Variants in FAM149A observed in about 807,000 individuals in gnomAD.
The protein encoded by FAM149A is family with sequence similarity 149 member A, also known as protein FAM149A.
FAM149A carries 71 observed loss-of-function variants against 78.2 expected under a neutral mutation model. The ratio of observed to expected loss-of-function variants is 0.91; its 90% CI spans 0.75 to 1.11. FAM149A has a LOEUF of 1.11. Among genes scored for constraint, FAM149A ranks in the 50% least tolerant of loss-of-function variants. The pLI, the probability that FAM149A is intolerant of heterozygous loss-of-function variation, is 0.00. For missense variants in FAM149A, 1,036 were observed against 971.0 expected, an observed-to-expected ratio of 1.07 and a Z score of -0.89; for synonymous variants, 446 against 410.5, an observed-to-expected ratio of 1.09 and a Z score of -1.04.
rs1461107709 is a variant in FAM149A at position 186,149,671 on chromosome 4, G to A, written c.756G>A (p.Thr252=). 24 of 1,289,196 alleles carry A rather than the reference G, an allele frequency of 1.9e-5. No individual in the cohort carries two copies. The highest frequency in any genetic ancestry group is 4.9e-5 in the South Asian group (4 of 80,836). The allele number at this position is 1,289,196 out of a possible 1,614,324, so 79.9% of individuals were successfully genotyped here. ...AGAGCTCTACCACCGGCTCATCCAC[G>A]GAGAGGGGCTCCGTTTATTCCTGGA... Residue 252 remains threonine, a synonymous_variant, in exon 3 of 14, where the codon ACG becomes ACA. Coordinates refer to ENST00000389354, the MANE Select transcript of FAM149A (RefSeq NM_001367768.3).
rs1162717616 is a variant in FAM149A, at chr4:186,104,762, G to GGCGGGCT, written c.-309_-308insTGCGGGC. Among the ~76,000 whole-genome samples, 3 of 149,916 alleles carry GGCGGGCT rather than the reference G, an allele frequency of 2.0e-5. No homozygotes were observed. Among genetic ancestry groups the GGCGGGCT allele is most frequent in the African/African-American group, 7.3e-5 (3 of 40,830 alleles). On this transcript the variant is annotated 5_prime_UTR_variant, in exon 1 of 14. Transcript: ENST00000389354. Reference sequence around the variant, plus strand: ...CAACCGCGGGCGGCGGGCGGCGGGCGGCGGGCGTCTGGGGCGGGCGGCGGC... The same window carrying GGCGGGCT: ...CAACCGCGGGCGGCGGGCGGCGGGCGGCGGGCTGCGGGCGTCTGGGGCGGGCGGCGGC...
At chr4:186,110,194 T>C (rs2099310615) in intron 1 of FAM149A, 1 of 985,406 alleles carries the variant, frequency 1.0e-6, no homozygotes, top group East Asian at 1.1e-4. Flanking sequence ...CCTCATATAA[T>C]CCACTGTCAT....
intron 1 of FAM149A, chr4:186,145,202 G>T: frequency 2.1e-6 from 2 of 961,422 alleles, no homozygotes; most frequent in Non-Finnish European, 2.5e-6. Context: ...GCTGCGTCTG[G>T]CCCGGGCTTC....
chr4:186,165,642 G>A (rs1382975398), intron 11 of FAM149A, among the ~76,000 whole-genome samples, 178 bp downstream of exon 11: 1 of 152,232 alleles, frequency 6.6e-6, no homozygotes, highest in Non-Finnish European at 1.5e-5. Flanking sequence ...AATTTACAGG[G>A]AGTGAGAGGC....
chr4:186,113,521 C>G (rs1447350888), intron 1 of FAM149A, among the ~76,000 whole-genome samples: 2 of 118,830 alleles, frequency 1.7e-5, no homozygotes, highest in African/African-American at 6.5e-5. Context: ...GCTTTCTCTT[C>G]TGGGCATTTA....
chr4:186,127,395 T>C (rs1288196410), intron 1 of FAM149A: 1 of 985,276 alleles, frequency 1.0e-6, no homozygotes, highest in Non-Finnish European at 1.2e-6. Context: ...AGGGGATGCT[T>C]TTGACAAAAG....
Position 186,144,732 on chromosome 4 carries a change from G to C in FAM149A, c.567-4441G>C. 1 of 847,580 alleles carries C rather than the reference G, an allele frequency of 1.2e-6. No individual in the cohort carries two copies. Among genetic ancestry groups the C allele is most frequent in the Non-Finnish European group, 1.4e-6 (1 of 703,622 alleles). The allele number at this position is 847,580 out of a possible 1,614,324, so 52.5% of individuals were successfully genotyped here. On this transcript the variant is annotated intron_variant, in intron 1 of 13. Coordinates refer to ENST00000389354, the MANE Select transcript of FAM149A (RefSeq NM_001367768.3). The surrounding 1 kb of genome is among the most constrained non-coding windows in gnomAD (Gnocchi z 4.2). ...TTCCCGGAGGTCGGCGCGGGGCCGG[G>C]GCCGGGGCCGGGGCCCGGAGCGGGG...
chr4:186,152,569 G>T lies in FAM149A; in HGVS notation c.932+524G>T, dbSNP rs557412471. 1.1e-4 allele frequency among the ~76,000 whole-genome samples: 13 copies of T among 114,932 alleles called. No individual in the cohort carries two copies. The East Asian group carries it at 2.6e-3, about 23-fold the overall frequency. 75.4% of individuals were successfully genotyped at this position (114,932 alleles called of 152,430 possible). On this transcript the variant is annotated intron_variant, in intron 4 of 13. Coordinates refer to ENST00000389354, the MANE Select transcript of FAM149A (RefSeq NM_001367768.3). The stretch of plus-strand genomic sequence containing the variant: ...TTTTTTTTTTTTTTTTTTTGAGATG[G>T]AGTCTTGCTCTGTCGCCCAGGCTGG...
chr4:186,170,789 A>G (rs114742882), intron 13 of FAM149A: 1 of 152,238 alleles, frequency 6.6e-6, no homozygotes, highest in Non-Finnish European at 1.5e-5. Context: ...GTCACATTTT[A>G]AACACTGAAC....
At chr4:186,109,920 C>A (rs1022632848) in intron 1 of FAM149A, 34 of 985,162 alleles carry the variant, frequency 3.5e-5, no homozygotes, top group African/African-American at 7.0e-5. Context: ...TTAACATTAC[C>A]ACTGAGTGCT....
intron 3 of FAM149A, 33 bp from the exon 4 acceptor site, chr4:186,151,870 C>T: frequency 6.2e-7 from 1 of 1,609,936 alleles, no homozygotes. Flanking sequence ...CTGTAACTTG[C>T]AGTGTTGTAA....
At position 186,144,713 on chromosome 4, in the gene FAM149A, G is replaced by C; in HGVS notation, c.567-4460G>C. Reference sequence around the variant, plus strand: ...GGAGCGGGGAAGGCGCGCTTTCCCGGAGGTCGGCGCGGGGCCGGGGCCGGG... The same window carrying C: ...GGAGCGGGGAAGGCGCGCTTTCCCGCAGGTCGGCGCGGGGCCGGGGCCGGG... On this transcript the variant is annotated intron_variant, in intron 1 of 13. Transcript: ENST00000389354. The surrounding 1 kb of genome is among the most constrained non-coding windows in gnomAD (Gnocchi z 4.2). The C allele has an allele frequency of 1.4e-6, 1 of 720,808 alleles. No homozygotes were observed. Among genetic ancestry groups the C allele is most frequent in the Non-Finnish European group, 1.6e-6 (1 of 606,548 alleles). 44.7% of individuals were successfully genotyped at this position (720,808 alleles called of 1,614,324 possible).
chr4:186,161,439 G>A (rs1734599531), intron 8 of FAM149A, among the ~76,000 whole-genome samples: 1 of 152,160 alleles, frequency 6.6e-6, no homozygotes, highest in Admixed American at 6.5e-5. Flanking sequence ...TAAGTCTTCT[G>A]TGCCTTTTCT....
intron 1 of FAM149A, chr4:186,118,264 G>A: frequency 2.0e-6 from 2 of 982,810 alleles, no homozygotes; most frequent in South Asian, 9.4e-5. Context: ...GAAATGAGGA[G>A]CGTCTCCTTT....
chr4:186,111,324 A>C (rs1337392786), intron 1 of FAM149A, among the ~76,000 whole-genome samples: 1 of 151,678 alleles, frequency 6.6e-6, no homozygotes, highest in African/African-American at 2.4e-5. Context: ...GGTTGCGAAA[A>C]TTTTCTCCCA....
At position 186,174,966 on chromosome 4, in the gene FAM149A, A is replaced by G. The variant is rs1383143866; in HGVS notation, c.*2979A>G. Among the ~76,000 whole-genome samples, 1 of 111,634 alleles carries G rather than the reference A, an allele frequency of 9.0e-6. No individual in the cohort carries two copies. The highest frequency in any genetic ancestry group is 2.3e-5 in the Non-Finnish European group (1 of 44,352). The allele number at this position is 111,634 out of a possible 152,430, so 73.2% of individuals were successfully genotyped here. The stretch of plus-strand genomic sequence containing the variant: ...TTCTGAGATAGATTTTTAAATTCAG[A>G]TTAGTGAATTTTACACTAATTGAAT... On this transcript the variant is annotated 3_prime_UTR_variant, in exon 14 of 14. Transcript: ENST00000389354.
intron 4 of FAM149A, among the ~76,000 whole-genome samples, chr4:186,152,531 T>TTG: frequency 1.4e-5 from 2 of 145,454 alleles, no homozygotes; most frequent in Non-Finnish European, 3.0e-5. Context: ...GCTTTTCTTT[T>TTG]CTTTTTGCTT....
chr4:186,166,144 A>G (rs889361031), intron 11 of FAM149A, among the ~76,000 whole-genome samples: 4 of 152,080 alleles, frequency 2.6e-5, no homozygotes, highest in Non-Finnish European at 5.9e-5. Flanking sequence ...GCCACCCCTC[A>G]CTCCACTTCA....
chr4:186,157,352 C>A (rs1052397146), intron 7 of FAM149A, among the ~76,000 whole-genome samples: 6 of 152,156 alleles, frequency 3.9e-5, no homozygotes, highest in East Asian at 3.9e-4. Flanking sequence ...CTGTATTGCC[C>A]ACTGTGTGAT....
Sources: allele counts gnomAD v4.1 joint callset (sites outside exome capture counted in the v4.1 genomes callset), GRCh38; gene constraint gnomAD v4.1.1; non-coding constraint Gnocchi (gnomAD v3.1); transcripts MANE v1.5; gene names NCBI Gene and HGNC (gene_info 2026-07-23, HGNC 2026-07-21).